The following DOK6 variants were observed in gnomAD, a reference collection of about 807,000 sequenced individuals.
DOK6 encodes downstream of tyrosine kinase 6.
A neutral mutation model predicts 44.0 loss-of-function variants in DOK6; 22 were observed. The observed-to-expected ratio is 0.50, with a 90% CI of 0.36 to 0.71. The LOEUF is 0.71. DOK6 is among the 30% of genes least tolerant of loss of function. The pLI, the probability that DOK6 is intolerant of heterozygous loss-of-function variation, is 0.00. For synonymous variants in DOK6, 166 were observed against 145.5 expected (o/e 1.14, Z -1.01); for missense variants, 340 against 416.4 (o/e 0.82, Z 1.60).
At chr18:69,692,100 G>A (rs986573021) in intron 4 of DOK6, among the ~76,000 whole-genome samples, 4 of 152,244 alleles carry the variant, frequency 2.6e-5, no homozygotes, top group African/African-American at 7.2e-5. Flanking sequence ...AAAGTGGGGC[G>A]GTGGGGAGTC....
At chr18:69,690,947 G>A (rs1436151313) in intron 4 of DOK6, among the ~76,000 whole-genome samples, 1 of 152,046 alleles carries the variant, frequency 6.6e-6, no homozygotes, top group Non-Finnish European at 1.5e-5. Flanking sequence ...TTGGGAGGCC[G>A]AGACAGGAAG....
At chr18:69,543,505 C>G (rs1043372154) in intron 1 of DOK6, among the ~76,000 whole-genome samples, 4 of 151,566 alleles carry the variant, frequency 2.6e-5, no homozygotes, top group Non-Finnish European at 4.4e-5. Context: ...TTTTTTCCCC[C>G]AAGTCCAAGT....
intron 5 of DOK6, chr18:69,721,239 T>C (rs1197471189): frequency 6.6e-6 from 1 of 152,218 alleles, no homozygotes; most frequent in African/African-American, 2.4e-5. Context: ...TACTAACATA[T>C]GTGTTCCTGG....
chr18:69,592,249 T>A (rs1332075866), intron 2 of DOK6, among the ~76,000 whole-genome samples: 2 of 149,754 alleles, frequency 1.3e-5, no homozygotes, highest in Admixed American at 1.3e-4. Flanking sequence ...TTTTTTTTTT[T>A]AAACTTACCC....
At chr18:69,460,259 A>G (rs1269910972) in intron 1 of DOK6, among the ~76,000 whole-genome samples, 1 of 152,230 alleles carries the variant, frequency 6.6e-6, no homozygotes, top group East Asian at 1.9e-4. Context: ...CCACTCAAAC[A>G]TCATCAATCG....
At chr18:69,623,621 C>T (rs1451146045) in intron 3 of DOK6, among the ~76,000 whole-genome samples, 1 of 152,126 alleles carries the variant, frequency 6.6e-6, no homozygotes, top group African/African-American at 2.4e-5. Flanking sequence ...CAACTGTTAG[C>T]TCTAAGACGC....
At chr18:69,552,690 T>G (rs1162670944) in intron 1 of DOK6, among the ~76,000 whole-genome samples, 1 of 152,246 alleles carries the variant, frequency 6.6e-6, no homozygotes, top group Non-Finnish European at 1.5e-5. Flanking sequence ...TTATTTTGTC[T>G]TTGTGTCTGT....
At position 69,848,376 on chromosome 18, in the gene DOK6, G is replaced by A. The variant is rs1982399911; in HGVS notation, c.*6993G>A. On this transcript the variant is annotated 3_prime_UTR_variant, in exon 8 of 8. Coordinates refer to ENST00000382713, the MANE Select transcript of DOK6 (RefSeq NM_152721.6). ...GAAATAAAACACCCATTATAAATTT[G>A]CTTCTGTTGGAAAATACATGATTTG... is the stretch of plus-strand genomic sequence containing the variant. The A allele has an allele frequency of 6.6e-6, 1 of 152,074 alleles. No homozygotes were observed. Among genetic ancestry groups the A allele is most frequent in the African/African-American group, 2.4e-5 (1 of 41,390 alleles). 9.4% of individuals were successfully genotyped at this position (152,074 alleles called of 1,614,324 possible). A position where few individuals can be genotyped will look rare whatever the true frequency, so the allele number is the denominator to read the frequency against.
At chr18:69,778,151 G>A (rs879700310) in intron 7 of DOK6, among the ~76,000 whole-genome samples, 7 of 152,074 alleles carry the variant, frequency 4.6e-5, no homozygotes, top group African/African-American at 9.7e-5. Flanking sequence ...TCAGAGAGAC[G>A]GAAAATACAT....
intron 2 of DOK6, among the ~76,000 whole-genome samples, chr18:69,565,635 A>G (rs1219502480): frequency 6.6e-6 from 1 of 151,966 alleles, no homozygotes; most frequent in Non-Finnish European, 1.5e-5. Context: ...TGATTTCCCA[A>G]AGTCCTGGGA....
chr18:69,436,591 G>T (rs897545540), intron 1 of DOK6, among the ~76,000 whole-genome samples: 1 of 152,134 alleles, frequency 6.6e-6, no homozygotes, highest in African/African-American at 2.4e-5. Context: ...CCAAGTCTTT[G>T]CTATTGTGAA....
chr18:69,738,379 T>C (rs1298707505), intron 5 of DOK6, among the ~76,000 whole-genome samples: 7 of 152,200 alleles, frequency 4.6e-5, no homozygotes, highest in Non-Finnish European at 8.8e-5. Context: ...GCTTAAAATA[T>C]TAAAATGTTT....
chr18:69,687,920 C>A (rs921365546), intron 4 of DOK6, among the ~76,000 whole-genome samples: 2 of 152,058 alleles, frequency 1.3e-5, no homozygotes, highest in Non-Finnish European at 2.9e-5. Context: ...GAAGTATAAT[C>A]TAGATTGTGT....
intron 1 of DOK6, among the ~76,000 whole-genome samples, chr18:69,434,319 C>T (rs1978887160): frequency 2.0e-5 from 3 of 152,192 alleles, no homozygotes; most frequent in Non-Finnish European, 4.4e-5. Flanking sequence ...TAATTAAACA[C>T]TTTGCACTTT....
chr18:69,530,877 T>G (rs1030336126), intron 1 of DOK6, among the ~76,000 whole-genome samples: 2 of 152,070 alleles, frequency 1.3e-5, no homozygotes, highest in Non-Finnish European at 2.9e-5. Context: ...TAAAGTCTCC[T>G]ATTATTATTG....
At chr18:69,637,763 G>A (rs1197908467) in intron 3 of DOK6, among the ~76,000 whole-genome samples, 4 of 151,970 alleles carry the variant, frequency 2.6e-5, no homozygotes, top group Non-Finnish European at 5.9e-5. Context: ...CAAAGGGGTA[G>A]AGAGCTGCCT....
intron 1 of DOK6, among the ~76,000 whole-genome samples, chr18:69,449,205 T>G (rs575451519): frequency 3.8e-4 from 58 of 152,240 alleles, no homozygotes; most frequent in African/African-American, 1.3e-3. Context: ...GGGTGCAAGA[T>G]AAGTCTACTT....
chr18:69,732,213 G>A (rs1978430653), intron 5 of DOK6, among the ~76,000 whole-genome samples: 1 of 151,990 alleles, frequency 6.6e-6, no homozygotes, highest in Non-Finnish European at 1.5e-5. Context: ...GATTAACATT[G>A]GGAGTTAAAA....
intron 1 of DOK6, among the ~76,000 whole-genome samples, chr18:69,494,078 A>G (rs558077589): frequency 6.6e-6 from 1 of 152,224 alleles, no homozygotes; most frequent in Admixed American, 6.5e-5. Context: ...TTGTCTTCTA[A>G]TATCAACAAA....
Sources: allele counts gnomAD v4.1 joint callset (sites outside exome capture counted in the v4.1 genomes callset), GRCh38; gene constraint gnomAD v4.1.1; transcripts MANE v1.5; gene names NCBI Gene and HGNC (gene_info 2026-07-23, HGNC 2026-07-21).